The following PCED1B variants were observed in gnomAD, a reference collection of about 807,000 sequenced individuals.
PCED1B encodes PC-esterase domain containing 1B.
For synonymous variants in PCED1B, 251 were observed against 246.1 expected, an observed-to-expected ratio of 1.02 and a Z score of -0.19; for missense variants, 573 against 573.9, an observed-to-expected ratio of 1.00 and a Z score of 0.02.
intron 1 of PCED1B, among the ~76,000 whole-genome samples, chr12:47,094,576 T>C (rs1235760064): frequency 6.6e-6 from 1 of 152,158 alleles, no homozygotes; most frequent in Non-Finnish European, 1.5e-5. Flanking sequence ...AAGTTTTACT[T>C]CTTTAATTCT....
intron 2 of PCED1B, among the ~76,000 whole-genome samples, chr12:47,148,409 G>A (rs926471897): frequency 6.6e-6 from 1 of 152,152 alleles, no homozygotes; most frequent in Non-Finnish European, 1.5e-5. Context: ...GAAAAGTGTG[G>A]ATACTAGAAA....
In PCED1B at chr12:47,104,200, G is replaced by A. The variant is rs140918880; in HGVS notation, c.-526+5G>A. 50 of 152,264 alleles carry A rather than the reference G, an allele frequency of 3.3e-4. No individual in the cohort carries two copies. In the East Asian group the frequency reaches 9.3e-3, roughly 28 times the overall value. The allele number at this position is 152,264 out of a possible 1,614,324, so 9.4% of individuals were successfully genotyped here. A position where few individuals can be genotyped will look rare whatever the true frequency, so the allele number is the denominator to read the frequency against. On this transcript the variant is annotated splice_donor_5th_base_variant and intron_variant, in intron 2 of 3. Coordinates refer to ENST00000546455, the MANE Select transcript of PCED1B (RefSeq NM_138371.3). ...GACTCTGCCTCCTACAAATATGTGA[G>A]TTTTTCTCCCCTGGCTTCATGGTAG...
chr12:47,101,458 T>C (rs1041947580), intron 1 of PCED1B, among the ~76,000 whole-genome samples: 1 of 152,238 alleles, frequency 6.6e-6, no homozygotes, highest in African/African-American at 2.4e-5. Flanking sequence ...ACTGAGCCTT[T>C]TCCTATTGTT....
chr12:47,099,476 ACAC>A (rs1337839927), intron 1 of PCED1B, among the ~76,000 whole-genome samples: 6 of 152,210 alleles, frequency 3.9e-5, no homozygotes, highest in African/African-American at 1.2e-4. Flanking sequence ...CACTGCTCTC[ACAC>A]TAGCAGTGAC....
chr12:47,173,689 AG>A (rs1941826233), intron 2 of PCED1B, among the ~76,000 whole-genome samples: 1 of 152,160 alleles, frequency 6.6e-6, no homozygotes, highest in African/African-American at 2.4e-5. Flanking sequence ...CACTAATTTT[AG>A]GATGATTATG....
chr12:47,214,082 T>A (rs988160594), intron 2 of PCED1B, among the ~76,000 whole-genome samples: 1 of 152,210 alleles, frequency 6.6e-6, no homozygotes, highest in Non-Finnish European at 1.5e-5. Context: ...TGTAATAGAC[T>A]ACTCTGGATT....
At chr12:47,229,826 G>A (rs1943743943) in intron 3 of PCED1B, among the ~76,000 whole-genome samples, 1 of 151,654 alleles carries the variant, frequency 6.6e-6, no homozygotes, top group East Asian at 1.9e-4. Context: ...CTGGAGTGCA[G>A]TGGCGCGATC....
intron 2 of PCED1B, among the ~76,000 whole-genome samples, chr12:47,107,110 T>C (rs1938987917): frequency 6.6e-6 from 1 of 152,220 alleles, no homozygotes; most frequent in African/African-American, 2.4e-5. Context: ...TGATACCAAG[T>C]GCCCTGATTC....
rs1250680200 is a variant in PCED1B at position 47,089,457 on chromosome 12, A to AAATAC, written c.-609+9733_-609+9734insATACA. ...GCAAGACTCCATCTCAAAAAAAAAA[A>AAATAC]ATACATATATATATATATATATATA... is the stretch of plus-strand genomic sequence containing the variant. On this transcript the variant is annotated intron_variant, in intron 1 of 3. Transcript: ENST00000546455. Among the ~76,000 whole-genome samples the AAATAC allele has an allele frequency of 5.2e-3, 153 of 29,444 alleles. 6 individuals are homozygous for AAATAC. The highest frequency in any genetic ancestry group is 8.9e-3 in the Non-Finnish European group (128 of 14,306). 19.3% of individuals were successfully genotyped at this position (29,444 alleles called of 152,430 possible). A position where few individuals can be genotyped will look rare whatever the true frequency, so the allele number is the denominator to read the frequency against.
At chr12:47,234,224 G>A (rs914462841) in intron 3 of PCED1B, among the ~76,000 whole-genome samples, 3 of 152,168 alleles carry the variant, frequency 2.0e-5, no homozygotes, top group Non-Finnish European at 4.4e-5. Context: ...CCGACCTCGG[G>A]TGATCCACCC....
rs142170015 is a variant in PCED1B at position 47,093,666 on chromosome 12, T to C, written c.-608-10447T>C. Among the ~76,000 whole-genome samples, 415 of 151,344 alleles carry C rather than the reference T, an allele frequency of 2.7e-3. 3 individuals carry two copies. The highest frequency in any genetic ancestry group is 9.7e-3 in the African/African-American group (402 of 41,542). On this transcript the variant is annotated intron_variant, in intron 1 of 3. Coordinates refer to ENST00000546455, the MANE Select transcript of PCED1B (RefSeq NM_138371.3). ...TTTATTATTTAAGTTTAAGAACTAATTTCTGTTTTTTTTCTTTATCCCATG... is the reference window on the plus strand; with the variant it reads ...TTTATTATTTAAGTTTAAGAACTAACTTCTGTTTTTTTTCTTTATCCCATG...
chr12:47,170,041 C>T (rs1307903149), intron 2 of PCED1B, among the ~76,000 whole-genome samples: 1 of 151,920 alleles, frequency 6.6e-6, no homozygotes, highest in East Asian at 1.9e-4. Context: ...GAGGGCCCTG[C>T]CGCCTTCCAC....
At chr12:47,183,557 A>G (rs1447223638) in intron 2 of PCED1B, among the ~76,000 whole-genome samples, 1 of 152,164 alleles carries the variant, frequency 6.6e-6, no homozygotes, top group Non-Finnish European at 1.5e-5. Context: ...GTTAACCAGC[A>G]CTTCCCAAAT....
At chr12:47,093,936 T>A (rs1273875501) in intron 1 of PCED1B, among the ~76,000 whole-genome samples, 2 of 152,110 alleles carry the variant, frequency 1.3e-5, no homozygotes, top group Non-Finnish European at 2.9e-5. Flanking sequence ...GACATTAGAT[T>A]ACATATGTTA....
intron 1 of PCED1B, among the ~76,000 whole-genome samples, chr12:47,090,843 T>A (rs2137172133): frequency 6.6e-6 from 1 of 152,264 alleles, no homozygotes; most frequent in South Asian, 2.1e-4. Context: ...AACTATTTTG[T>A]TGTTCATGGG....
At chr12:47,098,373 G>T (rs1266337667) in intron 1 of PCED1B, among the ~76,000 whole-genome samples, 2 of 152,204 alleles carry the variant, frequency 1.3e-5, no homozygotes, top group Non-Finnish European at 2.9e-5. Flanking sequence ...TTAAGAGCAA[G>T]ATTATAAATA....
At chr12:47,111,735 AT>A (rs1241480715) in intron 2 of PCED1B, among the ~76,000 whole-genome samples, 3 of 151,890 alleles carry the variant, frequency 2.0e-5, no homozygotes, top group African/African-American at 7.3e-5. Flanking sequence ...TTCAAGGTAA[AT>A]TTTTTTTAAA....
At chr12:47,172,499 A>G (rs1941785209) in intron 2 of PCED1B, among the ~76,000 whole-genome samples, 1 of 152,130 alleles carries the variant, frequency 6.6e-6, no homozygotes, top group Admixed American at 6.5e-5. Flanking sequence ...GATCAAGGAA[A>G]TCTATGATTG....
At chr12:47,144,587 T>C (rs1297911073) in intron 2 of PCED1B, among the ~76,000 whole-genome samples, 1 of 152,226 alleles carries the variant, frequency 6.6e-6, no homozygotes, top group Admixed American at 6.5e-5. Flanking sequence ...TTTGTCATCA[T>C]CTGAATATCA....
Sources: gnomAD v4.1 joint callset for allele counts (sites outside exome capture counted in the v4.1 genomes callset) on GRCh38, gnomAD v4.1.1 for gene constraint, MANE v1.5 for transcripts, NCBI Gene and HGNC (gene_info 2026-07-23, HGNC 2026-07-21) for gene names.